C6: variants seen among roughly 807,000 people sequenced by gnomAD.
C6 encodes the protein complement C6, also known as complement component C6.
C6 carries 101 observed loss-of-function variants against 112.9 expected under a neutral mutation model. The observed-to-expected ratio is 0.89, with a 90% CI of 0.76 to 1.06. The LOEUF (loss-of-function observed/expected upper bound fraction) is 1.06, where lower values mean the gene tolerates loss of function less well. Ranked by LOEUF, C6 falls within the 50% of genes least tolerant of loss-of-function variation. The pLI, the probability that C6 is intolerant of heterozygous loss-of-function variation, is 0.00. For synonymous variants in C6, 431 were observed against 384.1 expected, an observed-to-expected ratio of 1.12 and a Z score of -1.43; for missense variants, 1,202 against 1,104.6, an observed-to-expected ratio of 1.09 and a Z score of -1.25.
chr5:41,220,088 A>T (rs1739075437), intron 1 of C6, among the ~76,000 whole-genome samples: 2 of 152,204 alleles, frequency 1.3e-5, no homozygotes, highest in African/African-American at 4.8e-5. Context: ...AAATAGTCTC[A>T]CAGTAACAAA....
At chr5:41,164,184 G>T (rs1747784338) in intron 9 of C6, among the ~76,000 whole-genome samples, 1 of 152,090 alleles carries the variant, frequency 6.6e-6, no homozygotes, top group Non-Finnish European at 1.5e-5. Context: ...CAATAAAATA[G>T]TTTTTGCTTA....
At chr5:41,177,294 G>A (rs1748936452) in intron 7 of C6, among the ~76,000 whole-genome samples, 1 of 152,102 alleles carries the variant, frequency 6.6e-6, no homozygotes. Context: ...GTGAAATTAA[G>A]TAAAATTATT....
At chr5:41,211,788 T>C (rs1437395332) in intron 1 of C6, among the ~76,000 whole-genome samples, 1 of 152,030 alleles carries the variant, frequency 6.6e-6, no homozygotes, top group Non-Finnish European at 1.5e-5. Context: ...ATTTCCTCAA[T>C]TGTAGAGAAA....
intron 1 of C6, among the ~76,000 whole-genome samples, chr5:41,205,616 C>T (rs1751375697): frequency 6.6e-6 from 1 of 152,230 alleles, no homozygotes; most frequent in African/African-American, 2.4e-5. Flanking sequence ...CAGAGCCTCT[C>T]TCACAGCTAG....
rs190646287 is a variant in C6, at chr5:41,169,802, C to G, written c.1291+2423G>C. On this transcript the variant is annotated intron_variant, in intron 9 of 17. Transcript: ENST00000337836. The stretch of plus-strand genomic sequence containing the variant: ...CTGCCCCAATGATCCAGTCACCTCC[C>G]ACCAGACCCCTCCTCCAACATTGGG... 2.6e-5 allele frequency among the ~76,000 whole-genome samples: 4 copies of G among 152,270 alleles called. No homozygotes were observed. The East Asian group carries it at 7.7e-4, about 29-fold the overall frequency.
intron 1 of C6, among the ~76,000 whole-genome samples, chr5:41,242,242 C>T (rs929797539): frequency 3.3e-5 from 5 of 152,182 alleles, no homozygotes; most frequent in Admixed American, 6.5e-5. Flanking sequence ...TTCATGGGGG[C>T]GGTTTCCCCC....
At chr5:41,252,997 G>C (rs923863715) in intron 1 of C6, among the ~76,000 whole-genome samples, 1 of 152,158 alleles carries the variant, frequency 6.6e-6, no homozygotes, top group African/African-American at 2.4e-5. Flanking sequence ...ACTTCTTGAG[G>C]TTGTGTTCCA....
At chr5:41,231,588 T>C (rs563341455) in intron 1 of C6, among the ~76,000 whole-genome samples, 5 of 152,202 alleles carry the variant, frequency 3.3e-5, no homozygotes, top group African/African-American at 1.2e-4. Flanking sequence ...TTTTAATAGG[T>C]TATAGTTTTC....
At chr5:41,172,149 C>G in intron 9 of C6, 76 bp downstream of exon 9, 2 of 1,447,698 alleles carry the variant, frequency 1.4e-6, no homozygotes, top group Non-Finnish European at 1.9e-6. Context: ...ATAGCACAGT[C>G]ACATCCAATA....
intron 1 of C6, among the ~76,000 whole-genome samples, chr5:41,259,535 AT>A (rs1208036419): frequency 7.2e-6 from 1 of 138,198 alleles, no homozygotes; most frequent in Non-Finnish European, 1.6e-5. Flanking sequence ...AAAAAAAAAA[AT>A]CTCTGTTTTC....
rs534368459 is a variant in C6 at position 41,190,441 on chromosome 5, G to A, written c.588-4233C>T. Among the ~76,000 whole-genome samples, 12 of 152,118 alleles carry A rather than the reference G, an allele frequency of 7.9e-5. No individual in the cohort carries two copies. The South Asian group carries it at 1.7e-3, about 21-fold the overall frequency. ...TTAAGTTCACTGGTGAACTTAATCCGTTAAATTGGATTATTTATTTATTTT... is the reference window on the plus strand; with the variant it reads ...TTAAGTTCACTGGTGAACTTAATCCATTAAATTGGATTATTTATTTATTTT... On this transcript the variant is annotated intron_variant, in intron 5 of 17. Coordinates refer to ENST00000337836, the MANE Select transcript of C6 (RefSeq NM_000065.5).
At chr5:41,193,673 C>T (rs1034026727) in intron 5 of C6, among the ~76,000 whole-genome samples, 2 of 151,998 alleles carry the variant, frequency 1.3e-5, no homozygotes, top group Non-Finnish European at 2.9e-5. Flanking sequence ...CTATTATTGC[C>T]TGATTCTTGC....
chr5:41,255,086 G>T (rs1469542990), intron 1 of C6, among the ~76,000 whole-genome samples: 6 of 152,164 alleles, frequency 3.9e-5, no homozygotes, highest in Non-Finnish European at 4.4e-5. Context: ...TCTTGGCCAG[G>T]CATGGTGGCT....
At chr5:41,200,241 C>T (rs1268150501) in intron 3 of C6, among the ~76,000 whole-genome samples, 1 of 152,078 alleles carries the variant, frequency 6.6e-6, no homozygotes, top group Non-Finnish European at 1.5e-5. Context: ...TAAATTCCTC[C>T]AGGCCATAAC....
At position 41,154,981 on chromosome 5, in the gene C6, C is replaced by T; in HGVS notation, c.2092G>A (p.Glu698Lys). ...TTTGCCCAGTTCTCACGTTGGCATT[C>T]CACATCCCCTTGTCTCCAGGTCCCG... ...PDGTWRQGDV[E>K]CQRTECIKPV... The change falls in exon 14 of 18, where the codon GAA (glutamate) becomes AAA (lysine). Residue 698 changes from glutamate (E) to lysine (K), a missense_variant. Glu to Lys is a moderately conservative substitution (Grantham distance 56, BLOSUM62 1). Transcript: ENST00000337836. 1.9e-6 allele frequency: 3 copies of T among 1,613,774 alleles called. No individual in the cohort carries two copies. The highest frequency in any genetic ancestry group is 2.5e-6 in the Non-Finnish European group (3 of 1,179,756).
rs576239233 is a variant in C6, at chr5:41,172,294, C to T, written c.1222G>A (p.Val408Ile). The part of the protein sequence containing the change: ...HCVRIETKKR[V>I]LFAKKTKVEH... ...ACTTTTGTTTTCTTAGCAAATAAAA[C>T]GCGTTTCTTTGTTTCAATCCTGACA... Residue 408 changes from valine to isoleucine, a missense_variant, in exon 9 of 18, where the codon GTT becomes ATT. By Grantham distance (29) the Val-to-Ile change is conservative. Coordinates refer to ENST00000337836, the MANE Select transcript of C6 (RefSeq NM_000065.5). The T allele has an allele frequency of 1.9e-5, 30 of 1,613,474 alleles. No individual in the cohort carries two copies. The highest frequency in any genetic ancestry group is 6.6e-5 in the South Asian group (6 of 91,070).
At chr5:41,210,571 C>A (rs111825886) in intron 1 of C6, among the ~76,000 whole-genome samples, 10,665 of 150,638 alleles carry the variant, frequency 0.071, 540 homozygotes, top group African/African-American at 0.15. Flanking sequence ...ATGAACAGAC[C>A]CTTGACATTT....
At position 41,203,162 on chromosome 5, in the gene C6, G is replaced by C; in HGVS notation, c.69C>G (p.Phe23Leu). 1 of 1,614,104 alleles carries C rather than the reference G, an allele frequency of 6.2e-7. No homozygotes were observed. The highest frequency in any genetic ancestry group is 2.2e-5 in the East Asian group (1 of 44,870). ...ACTGAGTCCATGCATAGTGATCACA[G>C]AAGCAGGCTTGGCCCTTGTTGATCA... ...NALINKGQAC[F>L]CDHYAWTQWT... Residue 23 changes from phenylalanine (F) to leucine (L), a missense_variant, in exon 2 of 18, where the codon TTC (phenylalanine) becomes TTG (leucine). Physicochemically the swap from Phe to Leu is conservative, Grantham distance 22. Coordinates refer to ENST00000337836, the MANE Select transcript of C6 (RefSeq NM_000065.5).
At chr5:41,230,738 GT>G (rs1194202112) in intron 1 of C6, among the ~76,000 whole-genome samples, 2 of 152,080 alleles carry the variant, frequency 1.3e-5, no homozygotes, top group African/African-American at 2.4e-5. Context: ...AAACGTGCTG[GT>G]TTTGCAGCTT....
Sources: allele counts gnomAD v4.1 joint callset (sites outside exome capture counted in the v4.1 genomes callset), GRCh38; gene constraint gnomAD v4.1.1; transcripts MANE v1.5; gene names NCBI Gene and HGNC (gene_info 2026-07-23, HGNC 2026-07-21).